POMP: variants seen among roughly 807,000 people sequenced by gnomAD.
The protein encoded by POMP is 2510048O06Rik.
POMP carries 12 observed loss-of-function variants against 20.6 expected under a neutral mutation model. The ratio of observed to expected loss-of-function variants is 0.58; its 90% CI spans 0.37 to 0.94. The LOEUF (loss-of-function observed/expected upper bound fraction) is 0.94. POMP is among the 40% of genes least tolerant of loss of function. The pLI is 0.01. For synonymous variants in POMP, 53 were observed against 55.0 expected (o/e 0.96, Z 0.16); for missense variants, 136 against 161.1 (o/e 0.84, Z 0.84).
rs1195664700 is a variant in POMP, at chr13:28,673,719, T to TACTA, written c.358+1289_358+1292dup. ...ATTGAACTTAGACCTTATTTAAAAC[T>TACTA]ACTAAGGTGATAGTTCAGGTCTTTA... On this transcript the variant is annotated intron_variant, in intron 5 of 5. Coordinates refer to ENST00000380842, the MANE Select transcript of POMP (RefSeq NM_015932.6). 5.3e-5 allele frequency among the ~76,000 whole-genome samples: 8 copies of TACTA among 152,338 alleles called. No homozygotes were observed. In the East Asian group the frequency reaches 1.5e-3, roughly 29 times the overall value.
intron 5 of POMP, among the ~76,000 whole-genome samples, chr13:28,676,402 T>C (rs915754709): frequency 6.6e-6 from 1 of 152,230 alleles, no homozygotes; most frequent in Non-Finnish European, 1.5e-5. Flanking sequence ...CCCTGCCTTA[T>C]ATTAATTCTT....
At chr13:28,661,856 C>T (rs1566106386) in intron 1 of POMP, among the ~76,000 whole-genome samples, 1 of 151,798 alleles carries the variant, frequency 6.6e-6, no homozygotes, top group Non-Finnish European at 1.5e-5. Context: ...GTTGTTTTTC[C>T]TTGTCCTCAG....
At chr13:28,664,656 G>T (rs1884409729) in intron 3 of POMP, 87 bp downstream of exon 3, 1 of 854,236 alleles carries the variant, frequency 1.2e-6, no homozygotes, top group South Asian at 1.6e-5. Flanking sequence ...AAACAATTTT[G>T]GTACTGAGGA....
intron 5 of POMP, among the ~76,000 whole-genome samples, chr13:28,673,131 C>T (rs557656554): frequency 1.0e-3 from 151 of 147,246 alleles, no homozygotes; most frequent in African/African-American, 3.5e-3. Flanking sequence ...AGTGCAGTGG[C>T]GCAATCTCAG....
chr13:28,660,515 T>C (rs1358387621), intron 1 of POMP, among the ~76,000 whole-genome samples: 1 of 152,238 alleles, frequency 6.6e-6, no homozygotes, highest in Non-Finnish European at 1.5e-5. Flanking sequence ...AATGTGTTTT[T>C]GACTTTTGAC....
In POMP at chr13:28,668,498, A is replaced by AT; in HGVS notation, c.193dup (p.Ser65PhefsTer44). The AT allele has an allele frequency of 6.2e-7, 1 of 1,611,332 alleles. No individual in the cohort carries two copies. Among genetic ancestry groups the AT allele is most frequent in the Non-Finnish European group, 8.5e-7 (1 of 1,177,544 alleles). On this transcript the variant is annotated frameshift_variant, in exon 4 of 6. Transcript: ENST00000380842. LOFTEE classifies it high-confidence loss of function. ...TTCCAGCTCAACCAAGATAAAATGA[A>AT]TTTTTCCACACTGAGAAACATTCAG...
chr13:28,662,075 A>G (rs1400801930), intron 1 of POMP, among the ~76,000 whole-genome samples: 1 of 152,174 alleles, frequency 6.6e-6, no homozygotes, highest in Non-Finnish European at 1.5e-5. Context: ...CTCACTGGAA[A>G]CATATTTAGC....
chr13:28,676,800 A>G (rs1204797348), intron 5 of POMP, among the ~76,000 whole-genome samples: 1 of 152,160 alleles, frequency 6.6e-6, no homozygotes, highest in Non-Finnish European at 1.5e-5. Context: ...GGGGACTTTC[A>G]TGTACTCTAA....
chr13:28,675,393 C>A (rs1884611734), intron 5 of POMP, among the ~76,000 whole-genome samples: 1 of 152,198 alleles, frequency 6.6e-6, no homozygotes, highest in Non-Finnish European at 1.5e-5. Context: ...CCCGCCTCAG[C>A]CTCCCAAAGT....
chr13:28,676,385 T>C (rs1884629392), intron 5 of POMP, among the ~76,000 whole-genome samples: 1 of 152,212 alleles, frequency 6.6e-6, no homozygotes, highest in South Asian at 2.1e-4. Flanking sequence ...TAATCCCCGC[T>C]CTGTCACCCT....
chr13:28,678,328 C>T lies in POMP; in HGVS notation c.*226C>T. ...CTCTTAATTTATATTAAAACAGTAGCCTTTGTCTTTAAAAAAGTTGTTGCT... is the reference window on the plus strand; with the variant it reads ...CTCTTAATTTATATTAAAACAGTAGTCTTTGTCTTTAAAAAAGTTGTTGCT... On this transcript the variant is annotated 3_prime_UTR_variant, in exon 6 of 6. Coordinates refer to ENST00000380842, the MANE Select transcript of POMP (RefSeq NM_015932.6). 2.0e-6 allele frequency: 1 copy of T among 498,998 alleles called. No homozygotes were observed. 30.9% of individuals were successfully genotyped at this position (498,998 alleles called of 1,614,324 possible). A position where few individuals can be genotyped will look rare whatever the true frequency, so the allele number is the denominator to read the frequency against.
In POMP at chr13:28,661,962, A is replaced by T. The variant is rs78866627; in HGVS notation, c.4-448A>T. Among the ~76,000 whole-genome samples, 243 of 152,296 alleles carry T rather than the reference A, an allele frequency of 1.6e-3. 3 individuals are homozygous for T. Among genetic ancestry groups the T allele is most frequent in the African/African-American group, 5.7e-3 (237 of 41,562 alleles). On this transcript the variant is annotated intron_variant, in intron 1 of 5. Transcript: ENST00000380842. The stretch of plus-strand genomic sequence containing the variant: ...GGTTTTTCCAGGGGAAACAAATTCA[A>T]TCATGCCATAACCTTTCAGAGGCTT...
At chr13:28,676,225 C>T (rs1330089759) in intron 5 of POMP, among the ~76,000 whole-genome samples, 5 of 152,052 alleles carry the variant, frequency 3.3e-5, no homozygotes, top group African/African-American at 7.3e-5. Context: ...AGGATGGTCT[C>T]GATCTCCTGA....
In POMP at chr13:28,662,445, T is replaced by A. The variant is rs754887589; in HGVS notation, c.39T>A (p.Ser13Arg). The A allele has an allele frequency of 1.2e-6, 2 of 1,614,020 alleles. No individual in the cohort carries two copies. The highest frequency in any genetic ancestry group is 1.7e-6 in the Non-Finnish European group (2 of 1,179,888). ...GACTTGGATCTGAGCTAAAGGACAGTATTCCAGTTACTGAACTTTCAGCAA... is the reference window on the plus strand; with the variant it reads ...GACTTGGATCTGAGCTAAAGGACAGAATTCCAGTTACTGAACTTTCAGCAA... ...ARGLGSELKD[S>R]IPVTELSASG... Residue 13 changes from serine (S) to arginine (R), a missense_variant, in exon 2 of 6, where the codon AGT (serine) becomes AGA (arginine). Coordinates refer to ENST00000380842, the MANE Select transcript of POMP (RefSeq NM_015932.6).
In POMP at chr13:28,678,761, A is replaced by G. The variant is rs1272640313; in HGVS notation, c.*659A>G. On this transcript the variant is annotated 3_prime_UTR_variant, in exon 6 of 6. Coordinates refer to ENST00000380842, the MANE Select transcript of POMP (RefSeq NM_015932.6). ...AATATATTGCCAAGCAACACTGTTAAAGAAAAGTAAAACTCATTTTTTCTT... is the reference window on the plus strand; with the variant it reads ...AATATATTGCCAAGCAACACTGTTAGAGAAAAGTAAAACTCATTTTTTCTT... 1 of 152,254 alleles carries G rather than the reference A, an allele frequency of 6.6e-6. No homozygotes were observed. Among genetic ancestry groups the G allele is most frequent in the Non-Finnish European group, 1.5e-5 (1 of 68,058 alleles). 9.4% of individuals were successfully genotyped at this position (152,254 alleles called of 1,614,324 possible).
chr13:28,661,374 G>T (rs1792101), intron 1 of POMP, among the ~76,000 whole-genome samples: 2 of 152,156 alleles, frequency 1.3e-5, no homozygotes, highest in Admixed American at 6.5e-5. Context: ...GCTGAGGCAG[G>T]AGGATCGCTT....
intron 4 of POMP, 140 bp downstream of exon 4, chr13:28,668,714 C>G (rs1593173711): frequency 1.4e-6 from 1 of 708,010 alleles, no homozygotes; most frequent in East Asian, 2.8e-5. Context: ...ACCTTGATTT[C>G]TACTTCATAG....
chr13:28,668,631 G>A, intron 4 of POMP, 57 bp downstream of exon 4: 3 of 1,345,240 alleles, frequency 2.2e-6, no homozygotes, highest in Non-Finnish European at 3.2e-6. Flanking sequence ...GGAATCTTCT[G>A]TTTTCATAAC....
intron 4 of POMP, among the ~76,000 whole-genome samples, chr13:28,670,454 G>A (rs1248863833): frequency 6.6e-6 from 1 of 152,042 alleles, no homozygotes; most frequent in African/African-American, 2.4e-5. Context: ...CTGGATTACT[G>A]CAACACTCAT....
Sources: allele counts gnomAD v4.1 joint callset (sites outside exome capture counted in the v4.1 genomes callset), GRCh38; gene constraint gnomAD v4.1.1; transcripts MANE v1.5; gene names NCBI Gene and HGNC (gene_info 2026-07-23, HGNC 2026-07-21).